Variants in DGKH observed in about 807,000 individuals in gnomAD.
DGKH encodes the protein diacylglycerol kinase eta, also known as DAG kinase eta.
In DGKH, 90 loss-of-function variants were observed where a neutral mutation model predicts 159.3. The observed-to-expected ratio is 0.57, with a 90% CI of 0.48 to 0.67. The LOEUF (loss-of-function observed/expected upper bound fraction) is 0.67. DGKH is among the 30% of genes least tolerant of loss of function. DGKH has a pLI of 0.00. For missense variants in DGKH, 1,181 were observed against 1,506.1 expected (o/e 0.78, Z 3.57); for synonymous variants, 536 against 553.8 (o/e 0.97, Z 0.45).
At chr13:42,050,432 C>A (rs541811448) in intron 1 of DGKH, among the ~76,000 whole-genome samples, 2 of 152,268 alleles carry the variant, frequency 1.3e-5, no homozygotes, top group East Asian at 3.9e-4. Context: ...GAACAACACA[C>A]AAGAACAACT....
intron 13 of DGKH, among the ~76,000 whole-genome samples, chr13:42,180,354 T>C (rs112192042): frequency 0.021 from 3,140 of 152,326 alleles, 52 homozygotes; most frequent in Middle Eastern, 0.044. Context: ...AGCCCACCTC[T>C]CCTGGGCCAG....
At chr13:42,061,850 T>A (rs1882194745) in intron 1 of DGKH, among the ~76,000 whole-genome samples, 1 of 152,226 alleles carries the variant, frequency 6.6e-6, no homozygotes, top group Admixed American at 6.5e-5. Flanking sequence ...GCCCTGCTGT[T>A]ATAGAGCTTA....
At chr13:42,084,239 T>A (rs9532992) in intron 1 of DGKH, among the ~76,000 whole-genome samples, 37,768 of 152,176 alleles carry the variant, frequency 0.25, 5,255 homozygotes, top group Admixed American at 0.35. Context: ...AAATTATTTT[T>A]AAAAATCACT....
intron 1 of DGKH, among the ~76,000 whole-genome samples, chr13:42,088,482 G>T (rs183963571): frequency 1.4e-4 from 21 of 152,178 alleles, no homozygotes; most frequent in Admixed American, 4.6e-4. Flanking sequence ...ACAAAGGAGG[G>T]GAGTTTGAGG....
In DGKH at chr13:42,236,312, T is replaced by C. The variant is rs935636267; in HGVS notation, c.*7124T>C. 2 of 152,212 alleles carry C rather than the reference T, an allele frequency of 1.3e-5. No homozygotes were observed. Among genetic ancestry groups the C allele is most frequent in the Non-Finnish European group, 2.9e-5 (2 of 68,016 alleles). 9.4% of individuals were successfully genotyped at this position (152,212 alleles called of 1,614,324 possible). A position where few individuals can be genotyped will look rare whatever the true frequency, so the allele number is the denominator to read the frequency against. On this transcript the variant is annotated 3_prime_UTR_variant, in exon 30 of 30. Transcript: ENST00000337343. Reference sequence around the variant, plus strand: ...TTTACTTATGTACTTGAAGTACTCATTTCTGTCAAACAGATGCCCAACTAT... The same window carrying C: ...TTTACTTATGTACTTGAAGTACTCACTTCTGTCAAACAGATGCCCAACTAT...
intron 3 of DGKH, among the ~76,000 whole-genome samples, chr13:42,137,008 C>T (rs910612832): frequency 1.3e-5 from 2 of 152,108 alleles, no homozygotes; most frequent in Non-Finnish European, 2.9e-5. Context: ...TTGAAATGAG[C>T]AGAGTGGGTT....
At position 42,161,891 on chromosome 13, in the gene DGKH, T is replaced by A. The variant is rs534936582; in HGVS notation, c.855+1755T>A. 1.8e-3 allele frequency among the ~76,000 whole-genome samples: 271 copies of A among 151,954 alleles called. 1 individual carries two copies. Among genetic ancestry groups the A allele is most frequent in the South Asian group, 5.8e-3 (28 of 4,810 alleles). On this transcript the variant is annotated intron_variant, in intron 7 of 29. Transcript: ENST00000337343. The stretch of plus-strand genomic sequence containing the variant: ...CCCTGCAATTTGTATATCTTTACTT[T>A]AAAAAAAAATCAGTAGTTTTTAAAC...
intron 12 of DGKH, among the ~76,000 whole-genome samples, chr13:42,176,140 A>G (rs1028247727): frequency 1.3e-5 from 2 of 152,104 alleles, no homozygotes; most frequent in African/African-American, 4.8e-5. Flanking sequence ...GTATTTTTTG[A>G]TCTTCAAATA....
chr13:42,053,262 A>T (rs1881454464), intron 1 of DGKH, among the ~76,000 whole-genome samples: 6 of 151,802 alleles, frequency 4.0e-5, no homozygotes, highest in African/African-American at 1.2e-4. Context: ...ACCATGGCAC[A>T]TGTATACCTA....
At chr13:42,189,001 T>C in intron 14 of DGKH, 35 bp from the exon 15 acceptor site, 2 of 1,588,244 alleles carry the variant, frequency 1.3e-6, no homozygotes, top group African/African-American at 1.3e-5. Flanking sequence ...TGATTCTTTT[T>C]GAGTATTTTT....
At chr13:42,107,957 A>G (rs939260676) in intron 1 of DGKH, among the ~76,000 whole-genome samples, 4 of 152,158 alleles carry the variant, frequency 2.6e-5, no homozygotes, top group African/African-American at 9.7e-5. Context: ...CTTTCTGTCT[A>G]CTTCCCTTTT....
Position 42,091,513 on chromosome 13 carries a change from A to G in DGKH, c.193-35950A>G, listed in dbSNP as rs563622854. On this transcript the variant is annotated intron_variant, in intron 1 of 29. Transcript: ENST00000337343. ...AAATGGGCAAAGGACTTGAATAGACATTTCTTCAAAGATATACAAATCATT... is the reference window on the plus strand; with the variant it reads ...AAATGGGCAAAGGACTTGAATAGACGTTTCTTCAAAGATATACAAATCATT... Among the ~76,000 whole-genome samples, 22 of 152,312 alleles carry G rather than the reference A, an allele frequency of 1.4e-4. No homozygotes were observed. In the South Asian group the frequency reaches 4.6e-3, roughly 32 times the overall value.
chr13:42,174,637 A>T (rs900056592), intron 12 of DGKH, among the ~76,000 whole-genome samples: 1 of 152,244 alleles, frequency 6.6e-6, no homozygotes, highest in Non-Finnish European at 1.5e-5. Context: ...GTATCCAAAC[A>T]TACCAATACT....
intron 13 of DGKH, among the ~76,000 whole-genome samples, chr13:42,186,572 T>C (rs189459362): frequency 3.9e-5 from 6 of 152,212 alleles, no homozygotes; most frequent in African/African-American, 1.4e-4. Flanking sequence ...GTTTTCAGCA[T>C]AACGCACAAC....
chr13:42,134,677 C>G (rs957663653), intron 3 of DGKH, among the ~76,000 whole-genome samples: 4 of 152,098 alleles, frequency 2.6e-5, no homozygotes, highest in Admixed American at 1.3e-4. Flanking sequence ...TGAAGCCAGC[C>G]TGGCCAACAT....
Position 42,221,388 on chromosome 13 carries a change from T to G in DGKH, c.3567T>G (p.Asp1189Glu). ...GAELLHLERRDLKDLGIPKVG... is the reference protein window; with the variant it reads ...GAELLHLERRELKDLGIPKVG... ...AACTTTTGCATCTGGAAAGGCGAGATCTTAAGGTATTTCCTTTGTGCTCTT... is the reference window on the plus strand; with the variant it reads ...AACTTTTGCATCTGGAAAGGCGAGAGCTTAAGGTATTTCCTTTGTGCTCTT... The change falls in exon 29 of 30, where the codon GAT (aspartate) becomes GAG (glutamate). Residue 1189 changes from aspartate (D) to glutamate (E), a missense_variant. Physicochemically the swap from Asp to Glu is conservative, Grantham distance 45. Coordinates refer to ENST00000337343, the MANE Select transcript of DGKH (RefSeq NM_178009.5). 6.2e-7 allele frequency: 1 copy of G among 1,613,502 alleles called. No individual in the cohort carries two copies. The highest frequency in any genetic ancestry group is 1.1e-5 in the South Asian group (1 of 91,038).
At chr13:42,119,694 T>A (rs937267419) in intron 1 of DGKH, among the ~76,000 whole-genome samples, 2 of 152,334 alleles carry the variant, frequency 1.3e-5, no homozygotes, top group South Asian at 2.1e-4. Flanking sequence ...ATAACAAAAA[T>A]TTTATAACAG....
At chr13:42,210,931 C>T (rs1317429336) in intron 24 of DGKH, among the ~76,000 whole-genome samples, 166 bp downstream of exon 24, 1 of 152,166 alleles carries the variant, frequency 6.6e-6, no homozygotes, top group African/African-American at 2.4e-5. Context: ...ATTTTATATA[C>T]ATCTTTACAC....
intron 1 of DGKH, among the ~76,000 whole-genome samples, chr13:42,056,329 G>A (rs560185192): frequency 6.6e-6 from 1 of 151,818 alleles, no homozygotes; most frequent in Non-Finnish European, 1.5e-5. Flanking sequence ...GAGGAAGTAC[G>A]GTTAACTTTG....
Sources: allele counts gnomAD v4.1 joint callset (sites outside exome capture counted in the v4.1 genomes callset), GRCh38; gene constraint gnomAD v4.1.1; transcripts MANE v1.5; gene names NCBI Gene and HGNC (gene_info 2026-07-23, HGNC 2026-07-21).